ZSCAN25: variants seen among roughly 807,000 people sequenced by gnomAD.
The protein encoded by ZSCAN25 is zinc finger and SCAN domain containing 25.
A neutral mutation model predicts 38.7 loss-of-function variants in ZSCAN25; 27 were observed. The observed-to-expected ratio is 0.70, with a 90% CI of 0.51 to 0.96. The LOEUF (loss-of-function observed/expected upper bound fraction) is 0.96. Among genes scored for constraint, ZSCAN25 ranks in the 40% least tolerant of loss-of-function variants. ZSCAN25 has a pLI of 0.00. For missense variants in ZSCAN25, 637 were observed against 705.9 expected (o/e 0.90, Z 1.11); for synonymous variants, 273 against 277.7 (o/e 0.98, Z 0.17).
the ZSCAN25 span, among the ~76,000 whole-genome samples, chr7:99,656,506 T>C: frequency 6.6e-6 from 1 of 152,164 alleles, no homozygotes; most frequent in Non-Finnish European, 1.5e-5. Flanking sequence ...AGGATTTTTG[T>C]ATCACTGTTC....
chr7:99,723,312 C>T, the ZSCAN25 span, among the ~76,000 whole-genome samples: 5 of 152,260 alleles, frequency 3.3e-5, no homozygotes, highest in African/African-American at 2.4e-5. Context: ...ATCGATTGAT[C>T]GACCTCGTGA....
At chr7:99,663,195 A>G in the ZSCAN25 span, 3 of 1,108,496 alleles carry the variant, frequency 2.7e-6, no homozygotes, top group African/African-American at 4.9e-5. Context: ...ATCTCTGGTC[A>G]TAACTGCTTA....
chr7:99,721,607 A>AG, the ZSCAN25 span, among the ~76,000 whole-genome samples: 2 of 152,234 alleles, frequency 1.3e-5, no homozygotes, highest in Non-Finnish European at 2.9e-5. Context: ...GAAAAGTGGT[A>AG]ACCACAATGG....
At chr7:99,675,690 TTCTCTC>T in the ZSCAN25 span, among the ~76,000 whole-genome samples, 2 of 8,734 alleles carry the variant, frequency 2.3e-4, no homozygotes, top group Admixed American at 3.0e-3. Context: ...CTCTCTTTCT[TTCTCTC>T]TCTCTCTTTC....
At chr7:99,648,010 G>A in the ZSCAN25 span, 2 of 985,420 alleles carry the variant, frequency 2.0e-6, no homozygotes, top group Non-Finnish European at 2.4e-6. Context: ...TCTGATGAGA[G>A]CTCAGGAGGA....
At chr7:99,691,988 A>G in the ZSCAN25 span, among the ~76,000 whole-genome samples, 1 of 152,148 alleles carries the variant, frequency 6.6e-6, no homozygotes, top group South Asian at 2.1e-4. Flanking sequence ...TCTTCATAGC[A>G]TCGATGGTCT....
At position 99,631,914 on chromosome 7, in the gene ZSCAN25, A is replaced by G. The variant is rs1584376008; in HGVS notation, c.*1894A>G. On this transcript the variant is annotated 3_prime_UTR_variant, in exon 8 of 8. Transcript: ENST00000394152. ...CAGCTTTTTTTCCCCCGTAATTATC[A>G]GAGCAGCTAGGCAGGGCTGACAGCC... 41 of 985,482 alleles carry G rather than the reference A, an allele frequency of 4.2e-5. No homozygotes were observed. The South Asian group carries it at 1.7e-3, about 41-fold the overall frequency. The allele number at this position is 985,482 out of a possible 1,614,324, so 61.0% of individuals were successfully genotyped here.
the ZSCAN25 span, chr7:99,663,825 A>T: frequency 7.4e-7 from 1 of 1,354,402 alleles, no homozygotes; most frequent in Non-Finnish European, 9.5e-7. Flanking sequence ...CTCCTTCTTT[A>T]TTTCTACCAA....
At chr7:99,648,933 T>C in the ZSCAN25 span, among the ~76,000 whole-genome samples, 1 of 152,164 alleles carries the variant, frequency 6.6e-6, no homozygotes, top group South Asian at 2.1e-4. Flanking sequence ...CTTTTCTTTT[T>C]AACATCTCCT....
the ZSCAN25 span, among the ~76,000 whole-genome samples, chr7:99,714,159 T>C: frequency 6.6e-6 from 1 of 152,168 alleles, no homozygotes; most frequent in Non-Finnish European, 1.5e-5. Flanking sequence ...TGTAAAATAA[T>C]AGCCTTGTAC....
At chr7:99,628,691 G>GT (rs1807710619) in intron 7 of ZSCAN25, among the ~76,000 whole-genome samples, 1 of 152,248 alleles carries the variant, frequency 6.6e-6, no homozygotes, top group Non-Finnish European at 1.5e-5. Flanking sequence ...GAGGGAGCAT[G>GT]TGGGCAGGAC....
chr7:99,618,429 G>A (rs1339799969), intron 1 of ZSCAN25, 96 bp from the exon 2 acceptor site: 1 of 152,060 alleles, frequency 6.6e-6, no homozygotes, highest in African/African-American at 2.4e-5. Context: ...TGAAATATGT[G>A]TTCACATGCT....
At chr7:99,666,572 C>T in the ZSCAN25 span, 3 of 1,608,670 alleles carry the variant, frequency 1.9e-6, no homozygotes, top group Non-Finnish European at 2.6e-6. Flanking sequence ...CATGACAGCT[C>T]AGAACCCCAT....
the ZSCAN25 span, among the ~76,000 whole-genome samples, chr7:99,728,926 C>T: frequency 1.3e-5 from 2 of 152,296 alleles, no homozygotes; most frequent in East Asian, 1.9e-4. Context: ...TAGCCCTAGT[C>T]GTCCTCCAAC....
chr7:99,624,119 C>G lies in ZSCAN25; in HGVS notation c.744C>G (p.Thr248=). The part of the protein sequence containing the change: ...AFPEEEWRHV[T]PAQIDCFGEY... Reference sequence around the variant, plus strand: ...CTGAGGAGGAGTGGAGGCATGTGACCCCAGCCCAGATAGACTGCTTTGGGG... The same window carrying G: ...CTGAGGAGGAGTGGAGGCATGTGACGCCAGCCCAGATAGACTGCTTTGGGG... The change falls in exon 7 of 8, where the codon ACC becomes ACG. Residue 248 remains threonine, a synonymous_variant. Transcript: ENST00000394152. 1 of 1,614,068 alleles carries G rather than the reference C, an allele frequency of 6.2e-7. No homozygotes were observed. The highest frequency in any genetic ancestry group is 1.3e-5 in the African/African-American group (1 of 75,032).
chr7:99,722,350 TG>T, the ZSCAN25 span: 1 of 1,613,522 alleles, frequency 6.2e-7, no homozygotes. Context: ...CCAATAGCCC[TG>T]GGAGGAGAAA....
chr7:99,657,869 G>A, the ZSCAN25 span, among the ~76,000 whole-genome samples: 1 of 152,076 alleles, frequency 6.6e-6, no homozygotes, highest in Non-Finnish European at 1.5e-5. Context: ...ATCTTTGTTG[G>A]TTTAAAGCCT....
chr7:99,669,738 G>A, the ZSCAN25 span, among the ~76,000 whole-genome samples: 1 of 152,186 alleles, frequency 6.6e-6, no homozygotes, highest in Admixed American at 6.5e-5. Context: ...AAATCGAAAT[G>A]TCACCATGCT....
At chr7:99,706,638 A>G in the ZSCAN25 span, among the ~76,000 whole-genome samples, 118 of 152,358 alleles carry the variant, frequency 7.7e-4, no homozygotes, top group Non-Finnish European at 1.3e-3. Flanking sequence ...TTCTATAAAT[A>G]TAACACATTA....
Sources: allele counts gnomAD v4.1 joint callset (sites outside exome capture counted in the v4.1 genomes callset), GRCh38; gene constraint gnomAD v4.1.1; transcripts MANE v1.5; gene names NCBI Gene and HGNC (gene_info 2026-07-23, HGNC 2026-07-21).